The following MACIR variants were observed in gnomAD, a reference collection of about 807,000 sequenced individuals.
MACIR encodes the protein UNC119-binding protein C5orf30.
MACIR carries 4 observed loss-of-function variants against 14.3 expected under a neutral mutation model. The observed-to-expected ratio is 0.28, with a 90% confidence interval of 0.14 to 0.64. MACIR has a LOEUF of 0.64. MACIR is among the 30% of genes least tolerant of loss of function. The probability of loss-of-function intolerance (pLI) is 0.83; values close to 1 mark genes in which losing one functional copy is unlikely to be tolerated. For synonymous variants in MACIR, 101 were observed against 102.4 expected, an observed-to-expected ratio of 0.99 and a Z score of 0.08; for missense variants, 228 against 257.6, an observed-to-expected ratio of 0.89 and a Z score of 0.79.
Position 103,275,916 on chromosome 5 carries a change from T to G in MACIR, c.-4T>G. 2 of 1,608,246 alleles carry G rather than the reference T, an allele frequency of 1.2e-6. No homozygotes were observed. Among genetic ancestry groups the G allele is most frequent in the Non-Finnish European group, 1.7e-6 (2 of 1,176,632 alleles). ...TTTTAGGATTGTGCAGACTGGTGCT[T>G]AAAATGGAAGTCGATATTAATGGAG... On this transcript the variant is annotated 5_prime_UTR_variant, in exon 3 of 3. Coordinates refer to ENST00000319933, the MANE Select transcript of MACIR (RefSeq NM_033211.4).
chr5:103,276,741 C>T lies in MACIR; in HGVS notation c.*201C>T. On this transcript the variant is annotated 3_prime_UTR_variant, in exon 3 of 3. Transcript: ENST00000319933. The stretch of plus-strand genomic sequence containing the variant: ...TTGGGGGGGGGATATCATTCTAGAG[C>T]ACGCAACTGCAAAGAAAACAGAATG... The T allele has an allele frequency of 2.2e-6, 1 of 464,722 alleles. No homozygotes were observed. The highest frequency in any genetic ancestry group is 3.9e-6 in the Non-Finnish European group (1 of 257,708). The allele number at this position is 464,722 out of a possible 1,614,324, so 28.8% of individuals were successfully genotyped here. A position where few individuals can be genotyped will look rare whatever the true frequency, so the allele number is the denominator to read the frequency against.
intron 2 of MACIR, among the ~76,000 whole-genome samples, chr5:103,267,334 C>T (rs1804963004): frequency 6.6e-6 from 1 of 152,026 alleles, no homozygotes; most frequent in Non-Finnish European, 1.5e-5. Context: ...TAAATAGTGG[C>T]TGTACTGTAT....
intron 2 of MACIR, among the ~76,000 whole-genome samples, chr5:103,273,056 G>C (rs1430116314): frequency 3.3e-5 from 5 of 152,142 alleles, no homozygotes; most frequent in Non-Finnish European, 5.9e-5. Context: ...AATCTCCCTA[G>C]AATACTGACC....
At chr5:103,273,272 A>T (rs907002397) in intron 2 of MACIR, among the ~76,000 whole-genome samples, 1 of 151,326 alleles carries the variant, frequency 6.6e-6, no homozygotes, top group East Asian at 1.9e-4. Flanking sequence ...CTACTTAACA[A>T]CCTAGGTTAA....
chr5:103,264,978 G>T (rs797042567), intron 1 of MACIR, among the ~76,000 whole-genome samples: 12 of 152,154 alleles, frequency 7.9e-5, no homozygotes, highest in Admixed American at 3.3e-4. Context: ...AACTGCTTCT[G>T]TTGTTTAACC....
rs1040707283 is a variant in MACIR at position 103,277,511 on chromosome 5, G to C, written c.*971G>C. 6.0e-6 allele frequency: 1 copy of C among 167,016 alleles called. No homozygotes were observed. Among genetic ancestry groups the C allele is most frequent in the Admixed American group, 6.5e-5 (1 of 15,272 alleles). The allele number at this position is 167,016 out of a possible 1,614,324, so 10.3% of individuals were successfully genotyped here. A position where few individuals can be genotyped will look rare whatever the true frequency, so the allele number is the denominator to read the frequency against. ...ACTAAGTATGAAGTGATACCATTCA[G>C]CATGGCATCAGGTCATTGCAGTTTT... On this transcript the variant is annotated 3_prime_UTR_variant, in exon 3 of 3. Transcript: ENST00000319933.
rs1554237729 is a variant in MACIR, at chr5:103,276,397, G to A, written c.478G>A (p.Gly160Ser). ...HGPLPLCLLK[G>S]KRAHSKSLDY... ...GCCTCTGCCTCTTTGTCTTCTTAAA[G>A]GTAAGAGGGCTCACTCCAAATCTCT... Residue 160 changes from glycine to serine, a missense_variant, in exon 3 of 3, where the codon GGT becomes AGT. Physicochemically the swap from Gly to Ser is moderately conservative, Grantham distance 56. Coordinates refer to ENST00000319933, the MANE Select transcript of MACIR (RefSeq NM_033211.4). The A allele has an allele frequency of 1.2e-6, 2 of 1,613,746 alleles. No individual in the cohort carries two copies. Among genetic ancestry groups the A allele is most frequent in the Non-Finnish European group, 8.5e-7 (1 of 1,180,010 alleles).
intron 1 of MACIR, chr5:103,259,390 G>C (rs984667954): frequency 2.6e-5 from 4 of 152,138 alleles, no homozygotes; most frequent in African/African-American, 7.2e-5. Context: ...TGCGGAAGTC[G>C]GGGCGCGTTG....
chr5:103,258,498 C>T (rs1272248410), upstream of MACIR, among the ~76,000 whole-genome samples: 3 of 151,994 alleles, frequency 2.0e-5, no homozygotes, highest in Non-Finnish European at 2.9e-5. Flanking sequence ...GGTGTTGCGA[C>T]TCCTCCTCCC....
At chr5:103,262,560 C>T (rs1419098357) in intron 1 of MACIR, among the ~76,000 whole-genome samples, 22 of 152,250 alleles carry the variant, frequency 1.4e-4, no homozygotes, top group Non-Finnish European at 1.0e-4. Context: ...CTGAGAAATT[C>T]GATACATTTG....
intron 2 of MACIR, among the ~76,000 whole-genome samples, chr5:103,270,360 A>G (rs1424341003): frequency 1.3e-5 from 2 of 152,188 alleles, no homozygotes; most frequent in African/African-American, 2.4e-5. Flanking sequence ...TTTTCATTGT[A>G]GAAAGAAGTA....
At chr5:103,268,225 G>T (rs1252911047) in intron 2 of MACIR, among the ~76,000 whole-genome samples, 1 of 152,082 alleles carries the variant, frequency 6.6e-6, no homozygotes, top group Admixed American at 6.5e-5. Flanking sequence ...GTTGTTTAAT[G>T]AACATTTATT....
intron 2 of MACIR, among the ~76,000 whole-genome samples, chr5:103,275,215 G>A (rs1250059648): frequency 6.6e-6 from 1 of 152,058 alleles, no homozygotes; most frequent in African/African-American, 2.4e-5. Flanking sequence ...ATTGGATTTA[G>A]GATTACTTTT....
At chr5:103,261,398 AT>A (rs1231754704) in intron 1 of MACIR, among the ~76,000 whole-genome samples, 1 of 152,150 alleles carries the variant, frequency 6.6e-6, no homozygotes, top group Non-Finnish European at 1.5e-5. Flanking sequence ...TTTTGTTTTC[AT>A]TGTTGTGTTG....
intron 2 of MACIR, among the ~76,000 whole-genome samples, chr5:103,269,207 C>G (rs1421550207): frequency 6.6e-6 from 1 of 151,934 alleles, no homozygotes; most frequent in Non-Finnish European, 1.5e-5. Context: ...GACCCTGTGT[C>G]TAAACAAACA....
At chr5:103,261,694 CTTT>C (rs1804724192) in intron 1 of MACIR, among the ~76,000 whole-genome samples, 10 of 116,806 alleles carry the variant, frequency 8.6e-5, no homozygotes, top group African/African-American at 2.5e-4. Flanking sequence ...TTCTTTCTTT[CTTT>C]CTTTCTTCCT....
At chr5:103,270,445 G>A (rs1402351437) in intron 2 of MACIR, among the ~76,000 whole-genome samples, 1 of 152,254 alleles carries the variant, frequency 6.6e-6, no homozygotes, top group East Asian at 1.9e-4. Flanking sequence ...GTTTCCTCAA[G>A]ATATGTCCGG....
rs1805347345 is a variant in MACIR at position 103,276,677 on chromosome 5, T to C, written c.*137T>C. On this transcript the variant is annotated 3_prime_UTR_variant, in exon 3 of 3. Coordinates refer to ENST00000319933, the MANE Select transcript of MACIR (RefSeq NM_033211.4). ...AGTGTTCCTGGAACATAAAAATTGT[T>C]TGGGTCAAATTTGAATACAGGAATG... 1.2e-6 allele frequency: 1 copy of C among 808,062 alleles called. No individual in the cohort carries two copies. 50.1% of individuals were successfully genotyped at this position (808,062 alleles called of 1,614,324 possible).
At chr5:103,258,412 C>T (rs1804533036), upstream of MACIR, among the ~76,000 whole-genome samples, 3 of 152,254 alleles carry the variant, frequency 2.0e-5, no homozygotes, top group South Asian at 6.2e-4. Flanking sequence ...CACCACTTAA[C>T]TGAGGAAGCC....
Sources: allele counts gnomAD v4.1 joint callset (sites outside exome capture counted in the v4.1 genomes callset), GRCh38; gene constraint gnomAD v4.1.1; transcripts MANE v1.5; gene names NCBI Gene and HGNC (gene_info 2026-07-23, HGNC 2026-07-21).